TM6SF1: variants seen among roughly 807,000 people sequenced by gnomAD.
TM6SF1 encodes transmembrane 6 superfamily member 1.
Under a neutral mutation model 47.1 loss-of-function variants are expected in TM6SF1, and 43 were observed. The ratio of observed to expected loss-of-function variants is 0.91; its 90% CI spans 0.72 to 1.18. The LOEUF (loss-of-function observed/expected upper bound fraction) is 1.18. Among genes scored for constraint, TM6SF1 ranks in the 50% most tolerant of loss-of-function variants. TM6SF1 has a pLI of 0.00. For synonymous variants in TM6SF1, 177 were observed against 166.3 expected (o/e 1.06, Z -0.49); for missense variants, 390 against 449.0 (o/e 0.87, Z 1.19).
At chr15:83,120,591 T>A (rs932609342) in intron 4 of TM6SF1, among the ~76,000 whole-genome samples, 15 of 149,786 alleles carry the variant, frequency 1.0e-4, no homozygotes, top group Non-Finnish European at 1.8e-4. Context: ...CTAATTCTTT[T>A]TTTTTTTTTT....
At chr15:83,119,881 C>A in intron 4 of TM6SF1, 200 bp downstream of exon 4, 1 of 690,152 alleles carries the variant, frequency 1.4e-6, no homozygotes, top group Non-Finnish European at 2.3e-6. Context: ...TGCTCCCTAG[C>A]ATGGTGACAG....
intron 3 of TM6SF1, among the ~76,000 whole-genome samples, chr15:83,118,091 G>A (rs780101559): frequency 2.0e-5 from 3 of 152,212 alleles, no homozygotes; most frequent in Non-Finnish European, 4.4e-5. Flanking sequence ...GGCTGGCCTG[G>A]TGGCTCATGC....
chr15:83,118,850 CT>C (rs2034949537), intron 3 of TM6SF1, among the ~76,000 whole-genome samples: 2 of 152,118 alleles, frequency 1.3e-5, no homozygotes, highest in South Asian at 2.1e-4. Flanking sequence ...ATGTAACCAC[CT>C]AGAAAAGGGA....
intron 2 of TM6SF1, chr15:83,113,489 A>G (rs2034381731): frequency 6.5e-6 from 1 of 152,926 alleles, no homozygotes; most frequent in African/African-American, 2.4e-5. Flanking sequence ...ATGCCCTTCC[A>G]TCATGCATGC....
intron 9 of TM6SF1, chr15:83,135,693 A>G (rs946409401): frequency 2.0e-5 from 3 of 152,236 alleles, no homozygotes; most frequent in Admixed American, 6.5e-5. Flanking sequence ...GAATAAGTAT[A>G]TAAGTAGAGA....
At position 83,121,356 on chromosome 15, in the gene TM6SF1, A is replaced by T. The variant is rs547918852; in HGVS notation, c.399-565A>T. ...CTCAGCTTCTCAAAGTGCTGGGATT[A>T]CAGGCATGAGCCACCATGCTCGGCC... On this transcript the variant is annotated intron_variant, in intron 4 of 9. Coordinates refer to ENST00000322019, the MANE Select transcript of TM6SF1 (RefSeq NM_023003.5). 2.6e-4 allele frequency among the ~76,000 whole-genome samples: 40 copies of T among 151,750 alleles called. 2 individuals carry two copies. In the South Asian group the frequency reaches 7.9e-3, roughly 30 times the overall value.
chr15:83,115,647 G>A (rs886332372), intron 2 of TM6SF1, 198 bp from the exon 3 acceptor site: 1 of 687,890 alleles, frequency 1.5e-6, no homozygotes, highest in Non-Finnish European at 2.7e-6. Flanking sequence ...TACTTAGGCA[G>A]GGATGGGGAG....
chr15:83,107,960 T>C lies in TM6SF1; in HGVS notation c.92+188T>C. The C allele has an allele frequency of 1.7e-6, 2 of 1,184,354 alleles. No individual in the cohort carries two copies. Among genetic ancestry groups the C allele is most frequent in the South Asian group, 4.7e-5 (2 of 42,922 alleles). The allele number at this position is 1,184,354 out of a possible 1,614,324, so 73.4% of individuals were successfully genotyped here. Reference sequence around the variant, plus strand: ...CCCAGGGGTCGCACGGGCCGGGTCTTGGAGCCGGGCCCTGAGGTGCCCAGG... The same window carrying C: ...CCCAGGGGTCGCACGGGCCGGGTCTCGGAGCCGGGCCCTGAGGTGCCCAGG... On this transcript the variant is annotated intron_variant, in intron 1 of 9. Transcript: ENST00000322019. The surrounding 1 kb of genome is among the most constrained non-coding windows in gnomAD (Gnocchi z 5.6).
intron 4 of TM6SF1, among the ~76,000 whole-genome samples, chr15:83,121,615 A>C (rs188205554): frequency 1.3e-5 from 2 of 152,132 alleles, no homozygotes; most frequent in African/African-American, 4.8e-5. Flanking sequence ...CATGCTGTTG[A>C]GTTTCACACA....
At position 83,122,868 on chromosome 15, in the gene TM6SF1, AC is replaced by A. The variant is rs1567145233; in HGVS notation, c.597del (p.Ser200GlnfsTer13). On this transcript the variant is annotated frameshift_variant, in exon 6 of 10. Transcript: ENST00000322019. LOFTEE classifies it high-confidence loss of function. The stretch of plus-strand genomic sequence containing the variant: ...AATCAGCCATCAGAAAATTATAATT[AC>A]CCCTCAAAGGTGATTTTATTAAGCT... ...IYNQPSENYN[Y>X]PSKVIQEAQA... The A allele has an allele frequency of 1.2e-6, 2 of 1,613,900 alleles. No individual in the cohort carries two copies. The highest frequency in any genetic ancestry group is 3.3e-5 in the Admixed American group (2 of 59,984).
intron 1 of TM6SF1, among the ~76,000 whole-genome samples, chr15:83,108,225 T>C (rs1371388289): frequency 6.6e-6 from 1 of 152,014 alleles, no homozygotes; most frequent in Non-Finnish European, 1.5e-5. Context: ...TTAGAAACTG[T>C]TGTGAATGAC....
rs774722143 is a variant in TM6SF1, at chr15:83,136,521, C to T, written c.962C>T (p.Thr321Ile). The change falls in exon 10 of 10, where the codon ACT (threonine) becomes ATT (isoleucine). Residue 321 changes from threonine to isoleucine, a missense_variant. Thr to Ile is a moderately conservative substitution (Grantham distance 89). Transcript: ENST00000322019. Reference protein sequence around the residue: ...SHIGASLHARTAYVYRVPEEA... With the variant: ...SHIGASLHARIAYVYRVPEEA... ...ATTGGTGCATCTCTTCATGCTAGAA[C>T]TGCTTATGTCTACAGAGTCCCTGAA... 27 of 1,605,740 alleles carry T rather than the reference C, an allele frequency of 1.7e-5. No individual in the cohort carries two copies. The highest frequency in any genetic ancestry group is 2.2e-5 in the East Asian group (1 of 44,830).
Position 83,121,989 on chromosome 15 carries a change from C to T in TM6SF1, c.467C>T (p.Pro156Leu). The T allele has an allele frequency of 6.2e-7, 1 of 1,610,752 alleles. No individual in the cohort carries two copies. Among genetic ancestry groups the T allele is most frequent in the Non-Finnish European group, 8.5e-7 (1 of 1,178,926 alleles). ...SIIMSVVVFVPGNIVGKYGTR... is the reference protein window; with the variant it reads ...SIIMSVVVFVLGNIVGKYGTR... ...ATTATGAGTGTTGTTGTTTTTGTGC[C>T]AGGAAACATTGTAGGTAAGAAACTT... Residue 156 changes from proline to leucine, a missense_variant, in exon 5 of 10, where the codon CCA becomes CTA. By Grantham distance (98) the Pro-to-Leu change is moderately conservative. Coordinates refer to ENST00000322019, the MANE Select transcript of TM6SF1 (RefSeq NM_023003.5).
At chr15:83,114,185 AG>A (rs2034445445) in intron 2 of TM6SF1, 1 of 153,088 alleles carries the variant, frequency 6.5e-6, no homozygotes, top group African/African-American at 2.4e-5. Context: ...CACTCCATGG[AG>A]CCTGTATTAA....
chr15:83,116,130 G>GGC (rs1194348208), intron 3 of TM6SF1, among the ~76,000 whole-genome samples, 188 bp downstream of exon 3: 6 of 152,334 alleles, frequency 3.9e-5, no homozygotes, highest in Non-Finnish European at 7.3e-5. Flanking sequence ...GATCACGAGA[G>GGC]GCAATTCTCT....
intron 3 of TM6SF1, 108 bp downstream of exon 3, chr15:83,116,050 C>A: frequency 1.2e-6 from 1 of 844,244 alleles, no homozygotes. Context: ...GTACGCTACG[C>A]AGGCTTTCAT....
At chr15:83,123,970 A>C (rs1403393761) in intron 6 of TM6SF1, among the ~76,000 whole-genome samples, 6 of 152,236 alleles carry the variant, frequency 3.9e-5, no homozygotes, top group Admixed American at 6.5e-5. Flanking sequence ...TCTGGAACCC[A>C]ATAATTCTGC....
intron 9 of TM6SF1, chr15:83,127,855 A>C (rs2035904916): frequency 3.8e-6 from 1 of 262,242 alleles, no homozygotes; most frequent in Admixed American, 5.8e-5. Context: ...TCCAAATTTA[A>C]GACTTCAGAA....
At chr15:83,135,196 T>C (rs2151388516) in intron 9 of TM6SF1, 1 of 152,336 alleles carries the variant, frequency 6.6e-6, no homozygotes, top group Non-Finnish European at 1.5e-5. Flanking sequence ...TTAAAATATC[T>C]GCCACTGATA....
Sources: gnomAD v4.1 joint callset for allele counts (sites outside exome capture counted in the v4.1 genomes callset) on GRCh38, gnomAD v4.1.1 for gene constraint, Gnocchi (gnomAD v3.1) non-coding constraint, MANE v1.5 for transcripts, NCBI Gene and HGNC (gene_info 2026-07-23, HGNC 2026-07-21) for gene names.